Variants in ABCA13 observed in about 807,000 individuals in gnomAD.
ABCA13 encodes ATP binding cassette subfamily A member 13, also known as ATP-binding cassette sub-family A member 13.
A neutral mutation model predicts 478.7 loss-of-function variants in ABCA13; 476 were observed. The observed-to-expected ratio is 0.99, with a 90% confidence interval of 0.92 to 1.07. ABCA13 has a LOEUF of 1.07. Ranked by LOEUF, ABCA13 falls within the 50% of genes least tolerant of loss-of-function variation. The pLI is 0.00. For synonymous variants in ABCA13, 2,252 were observed against 2,158.9 expected (o/e 1.04, Z -1.20); for missense variants, 6,060 against 5,910.6 (o/e 1.03, Z -0.83).
chr7:48,175,312 T>G (rs1339485714), intron 1 of ABCA13, among the ~76,000 whole-genome samples: 2 of 152,212 alleles, frequency 1.3e-5, no homozygotes, highest in Non-Finnish European at 2.9e-5. Context: ...AAATAATGTA[T>G]GGTGATCAGA....
chr7:48,293,430 A>G (rs553826661), intron 20 of ABCA13, among the ~76,000 whole-genome samples: 36 of 152,376 alleles, frequency 2.4e-4, no homozygotes, highest in African/African-American at 8.7e-4. Context: ...CAGAAATATT[A>G]TCTAAGTGTT....
Position 48,248,387 on chromosome 7 carries a change from C to T in ABCA13, c.1808C>T (p.Pro603Leu), listed in dbSNP as rs1223675301. 1.9e-6 allele frequency: 3 copies of T among 1,613,498 alleles called. 1 individual carries two copies. Residue 603 changes from proline to leucine, a missense_variant, in exon 14 of 62, where the codon CCC (proline) becomes CTC (leucine). Physicochemically the swap from Pro to Leu is moderately conservative, Grantham distance 98. Coordinates refer to ENST00000435803, the MANE Select transcript of ABCA13 (RefSeq NM_152701.5). ...CTCTTCCTGCTGCTGGGAGCTGATC[C>T]CTCTCCTGAGAATGATGTCTTTTCT... Reference protein sequence around the residue: ...TRLFLLLGADPSPENDVFSSD... With the variant: ...TRLFLLLGADLSPENDVFSSD...
chr7:48,261,115 C>T (rs1025225189), intron 15 of ABCA13, among the ~76,000 whole-genome samples: 1 of 151,882 alleles, frequency 6.6e-6, no homozygotes, highest in East Asian at 1.9e-4. Flanking sequence ...TATATTGACT[C>T]TCTCTGTCTG....
At chr7:48,505,816 C>T (rs994109240) in intron 48 of ABCA13, among the ~76,000 whole-genome samples, 10 of 152,234 alleles carry the variant, frequency 6.6e-5, no homozygotes, top group African/African-American at 1.2e-4. Flanking sequence ...TCATTTTGGC[C>T]GCTGGCATCA....
In ABCA13 at chr7:48,471,588, T is replaced by C. The variant is rs1208634570; in HGVS notation, c.12964T>C (p.Cys4322Arg). 2.6e-6 allele frequency: 4 copies of C among 1,563,086 alleles called. No individual in the cohort carries two copies. Among genetic ancestry groups the C allele is most frequent in the South Asian group, 1.2e-5 (1 of 84,740 alleles). The change falls in exon 45 of 62, where the codon TGT (cysteine) becomes CGT (arginine). Residue 4322 changes from cysteine to arginine, a missense_variant. Cys to Arg is a radical substitution (Grantham distance 180). This residue lies in a region of ABCA13 where 1,627 missense variants were observed against 1,571.0 expected (regional missense o/e 1.04). Transcript: ENST00000435803. The stretch of plus-strand genomic sequence containing the variant: ...TTCTCACCCAGAATTCCAGGATTCA[T>C]GTGGCTGCCTGGTAGGTTTCTGCAG... ...PFSHPEFQDSCGCLKCPNRSA... is the reference protein window; with the variant it reads ...PFSHPEFQDSRGCLKCPNRSA...
chr7:48,433,561 A>C (rs1822432701), intron 42 of ABCA13, among the ~76,000 whole-genome samples: 1 of 151,596 alleles, frequency 6.6e-6, no homozygotes, highest in Non-Finnish European at 1.5e-5. Context: ...ACCATATTTA[A>C]GTATACAGCT....
chr7:48,633,622 A>G (rs1794357125), intron 59 of ABCA13, among the ~76,000 whole-genome samples: 1 of 152,006 alleles, frequency 6.6e-6, no homozygotes, highest in Non-Finnish European at 1.5e-5. Context: ...CACCCCTGTA[A>G]TCCCAGCATT....
intron 27 of ABCA13, among the ~76,000 whole-genome samples, chr7:48,332,118 G>A (rs1258414664): frequency 2.0e-5 from 3 of 152,134 alleles, no homozygotes; most frequent in Non-Finnish European, 4.4e-5. Context: ...GGTATGCATG[G>A]TCCACAGTTT....
intron 59 of ABCA13, among the ~76,000 whole-genome samples, chr7:48,622,933 G>A: frequency 6.6e-6 from 1 of 152,076 alleles, no homozygotes; most frequent in East Asian, 1.9e-4. Flanking sequence ...CAGCATTCTG[G>A]TGCTACTTTG....
intron 29 of ABCA13, among the ~76,000 whole-genome samples, chr7:48,344,111 G>A (rs1000916181): frequency 2.0e-5 from 3 of 152,194 alleles, no homozygotes; most frequent in African/African-American, 7.2e-5. Context: ...AGAAGTTATT[G>A]TGACTCAGTT....
chr7:48,645,423 A>T lies in ABCA13; in HGVS notation c.15088A>T (p.Ile5030Phe), dbSNP rs1365964804. The T allele has an allele frequency of 1.3e-6, 2 of 1,563,596 alleles. No homozygotes were observed. Among genetic ancestry groups the T allele is most frequent in the South Asian group, 1.2e-5 (1 of 84,678 alleles). The change falls in exon 62 of 62, where the codon ATT (isoleucine) becomes TTT (phenylalanine). Residue 5030 changes from isoleucine to phenylalanine, a missense_variant. Transcript: ENST00000435803. ...INQTTLEQVF[I>F]NFASEQQQTL... Reference sequence around the variant, plus strand: ...TTTTTATGGTTTTTTTCAGGTATTTATTAATTTTGCTTCTGAGCAGCAGCA... The same window carrying T: ...TTTTTATGGTTTTTTTCAGGTATTTTTTAATTTTGCTTCTGAGCAGCAGCA...
intron 41 of ABCA13, among the ~76,000 whole-genome samples, chr7:48,414,389 A>G (rs1819675852): frequency 6.6e-6 from 1 of 151,824 alleles, no homozygotes. Context: ...TTTTCTGCCC[A>G]CCTCTATAGC....
intron 40 of ABCA13, among the ~76,000 whole-genome samples, chr7:48,411,019 C>CTTTCT (rs1819002801): frequency 8.5e-6 from 1 of 117,136 alleles, no homozygotes; most frequent in South Asian, 2.5e-4. Flanking sequence ...TTCTTTCTTT[C>CTTTCT]TTTCTTTCTT....
Position 48,339,879 on chromosome 7 carries a change from G to A in ABCA13, c.10204+1424G>A, listed in dbSNP as rs184638768. ...CATTCACGGGTGGGGTGGCGGTGGG[G>A]GATTGATCACTGACCAGATGCAAAT... On this transcript the variant is annotated intron_variant, in intron 29 of 61. Transcript: ENST00000435803. 1.5e-3 allele frequency among the ~76,000 whole-genome samples: 226 copies of A among 152,158 alleles called. 1 individual carries two copies. Among genetic ancestry groups the A allele is most frequent in the African/African-American group, 5.3e-3 (221 of 41,516 alleles).
At chr7:48,336,990 T>C (rs1263498552) in intron 28 of ABCA13, among the ~76,000 whole-genome samples, 1 of 152,186 alleles carries the variant, frequency 6.6e-6, no homozygotes, top group Non-Finnish European at 1.5e-5. Context: ...GCCTCAAAAA[T>C]AGGGCAGCTC....
chr7:48,588,682 A>G (rs759018853), intron 57 of ABCA13, among the ~76,000 whole-genome samples: 2 of 152,216 alleles, frequency 1.3e-5, no homozygotes, highest in Non-Finnish European at 2.9e-5. Flanking sequence ...GAGTCATTGA[A>G]AGCAGTAAAT....
At chr7:48,270,799 G>C (rs1795496259) in intron 16 of ABCA13, among the ~76,000 whole-genome samples, 1 of 152,072 alleles carries the variant, frequency 6.6e-6, no homozygotes, top group Non-Finnish European at 1.5e-5. Flanking sequence ...AAAAACTTAG[G>C]AAGTAATTTA....
chr7:48,424,655 C>T (rs966577857), intron 41 of ABCA13, among the ~76,000 whole-genome samples: 3 of 152,126 alleles, frequency 2.0e-5, no homozygotes, highest in Non-Finnish European at 4.4e-5. Flanking sequence ...ATGTTAGGAG[C>T]CTTCTTGTAA....
intron 39 of ABCA13, among the ~76,000 whole-genome samples, chr7:48,406,341 A>T (rs138674728): frequency 2.4e-3 from 364 of 152,318 alleles, no homozygotes; most frequent in Non-Finnish European, 4.1e-3. Flanking sequence ...TCTGAGCTTC[A>T]GTGTTCTCAT....
Sources: allele counts gnomAD v4.1 joint callset (sites outside exome capture counted in the v4.1 genomes callset), GRCh38; gene constraint gnomAD v4.1.1; regional missense constraint gnomAD v4.1.1; transcripts MANE v1.5; gene names NCBI Gene and HGNC (gene_info 2026-07-23, HGNC 2026-07-21).